Variants in RBFOX1 observed in about 807,000 individuals in gnomAD.
RBFOX1 encodes RNA binding fox-1 homolog 1.
RBFOX1 carries 8 observed loss-of-function variants against 57.7 expected under a neutral mutation model. That is an observed-to-expected ratio of 0.14 (90% CI 0.08 to 0.25). The LOEUF is 0.25. Ranked by LOEUF, RBFOX1 falls within the 10% of genes least tolerant of loss-of-function variation. The probability of loss-of-function intolerance (pLI) is 1.00; values close to 1 mark genes in which losing one functional copy is unlikely to be tolerated. For missense variants in RBFOX1, 611 were observed against 548.5 expected (o/e 1.11, Z -1.14); for synonymous variants, 326 against 222.4 (o/e 1.47, Z -4.15).
rs189834105 is a variant in RBFOX1, at chr16:6,969,986, C to T, written c.-15-82071C>T. Among the ~76,000 whole-genome samples, 405 of 152,008 alleles carry T rather than the reference C, an allele frequency of 2.7e-3. 2 individuals are homozygous for T. The highest frequency in any genetic ancestry group is 9.4e-3 in the African/African-American group (390 of 41,466). On this transcript the variant is annotated intron_variant, in intron 3 of 15. Coordinates refer to ENST00000550418, the MANE Select transcript of RBFOX1 (RefSeq NM_018723.4). ...GTGTTATTTTATGTAATATAAAGTC[C>T]TTACAAGCCTGGGCAGCATAGCAAG...
At chr16:6,800,216 C>T (rs560313617) in intron 3 of RBFOX1, among the ~76,000 whole-genome samples, 1 of 146,026 alleles carries the variant, frequency 6.8e-6, no homozygotes, top group East Asian at 1.9e-4. Flanking sequence ...TTTCCTGCCT[C>T]ATAACCATGT....
chr16:7,229,955 A>G (rs1603401919), intron 4 of RBFOX1, among the ~76,000 whole-genome samples: 9 of 70,524 alleles, frequency 1.3e-4, no homozygotes, highest in Admixed American at 2.5e-4. Flanking sequence ...GAAGGGAGAG[A>G]GAGGGAGGAA....
At chr16:6,342,695 A>C (rs1395173185) in intron 2 of RBFOX1, among the ~76,000 whole-genome samples, 1 of 152,162 alleles carries the variant, frequency 6.6e-6, no homozygotes, top group East Asian at 1.9e-4. Context: ...TATTCCTCTA[A>C]ATGCTTTTTG....
intron 5 of RBFOX1, among the ~76,000 whole-genome samples, chr16:7,551,141 G>A (rs910588907): frequency 5.3e-5 from 8 of 150,040 alleles, no homozygotes; most frequent in Non-Finnish European, 7.4e-5. Context: ...TTCTGCTTTC[G>A]CCACGATAGA....
intron 1 of RBFOX1, among the ~76,000 whole-genome samples, chr16:6,300,813 C>T (rs1311927525): frequency 2.0e-5 from 3 of 152,170 alleles, no homozygotes; most frequent in African/African-American, 7.2e-5. Context: ...AGTCAGGATA[C>T]ATTGCTCTTC....
intron 3 of RBFOX1, among the ~76,000 whole-genome samples, chr16:5,818,825 C>T (rs1036499686): frequency 2.0e-5 from 3 of 152,180 alleles, no homozygotes; most frequent in African/African-American, 7.2e-5. Context: ...ATACCTCATG[C>T]TCAAAGGGGC....
At chr16:7,461,314 T>C (rs1012165612) in intron 4 of RBFOX1, among the ~76,000 whole-genome samples, 1 of 151,948 alleles carries the variant, frequency 6.6e-6, no homozygotes, top group Non-Finnish European at 1.5e-5. Flanking sequence ...ATTACAGATA[T>C]GTGCCACCAC....
chr16:7,042,917 C>G (rs997858984), intron 3 of RBFOX1, among the ~76,000 whole-genome samples: 16 of 152,178 alleles, frequency 1.1e-4, no homozygotes, highest in African/African-American at 3.9e-4. Flanking sequence ...CAGAGGAAGA[C>G]TTTGTTTCAA....
intron 2 of RBFOX1, among the ~76,000 whole-genome samples, chr16:6,582,201 A>C (rs1600551393): frequency 6.6e-6 from 1 of 152,242 alleles, no homozygotes; most frequent in Non-Finnish European, 1.5e-5. Context: ...ATTTCCAAAG[A>C]ATTTTTATCA....
At chr16:6,959,482 G>GGGAGT (rs2082509172) in intron 3 of RBFOX1, among the ~76,000 whole-genome samples, 1 of 152,050 alleles carries the variant, frequency 6.6e-6, no homozygotes, top group Non-Finnish European at 1.5e-5. Flanking sequence ...CTGATCTCAA[G>GGGAGT]GGAGTATCTT....
chr16:7,634,666 T>C (rs1323583429), intron 11 of RBFOX1, among the ~76,000 whole-genome samples: 12 of 152,202 alleles, frequency 7.9e-5, no homozygotes, highest in Admixed American at 7.9e-4. Context: ...TTTGTGTCCA[T>C]ACAACTAATT....
intron 3 of RBFOX1, among the ~76,000 whole-genome samples, chr16:6,980,732 T>G (rs1223970802): frequency 6.6e-6 from 1 of 152,082 alleles, no homozygotes; most frequent in Non-Finnish European, 1.5e-5. Flanking sequence ...GAGGGCAGAT[T>G]ATATGTGGGA....
chr16:7,445,972 A>C (rs753352397), intron 4 of RBFOX1, among the ~76,000 whole-genome samples: 2 of 152,110 alleles, frequency 1.3e-5, no homozygotes, highest in Non-Finnish European at 2.9e-5. Context: ...AAAGAAGCCC[A>C]TTTCAAGAGT....
At position 7,699,821 on chromosome 16, in the gene RBFOX1, C is replaced by G. The variant is rs141032312; in HGVS notation, c.996-9235C>G. 3.9e-5 allele frequency among the ~76,000 whole-genome samples: 6 copies of G among 152,036 alleles called. No homozygotes were observed. In the South Asian group the frequency reaches 8.3e-4, roughly 21 times the overall value. ...TGGCTTTTATTATGTTTCTCTCAATCCCATTTTAGAACCACATTTTTCATT... is the reference window on the plus strand; with the variant it reads ...TGGCTTTTATTATGTTTCTCTCAATGCCATTTTAGAACCACATTTTTCATT... On this transcript the variant is annotated intron_variant, in intron 14 of 15. Coordinates refer to ENST00000550418, the MANE Select transcript of RBFOX1 (RefSeq NM_018723.4).
intron 3 of RBFOX1, among the ~76,000 whole-genome samples, chr16:5,726,903 G>T (rs2052172812): frequency 1.3e-5 from 2 of 152,264 alleles, no homozygotes; most frequent in Admixed American, 6.5e-5. Flanking sequence ...GGCTCAGAAA[G>T]GTTCTGTGAC....
At chr16:7,149,806 C>G (rs578049759) in intron 4 of RBFOX1, among the ~76,000 whole-genome samples, 1 of 152,148 alleles carries the variant, frequency 6.6e-6, no homozygotes, top group South Asian at 2.1e-4. Flanking sequence ...TGTCTAGCCA[C>G]ATTGCTTCCT....
At position 7,580,835 on chromosome 16, in the gene RBFOX1, T is replaced by C. The variant is rs552595039; in HGVS notation, c.414+915T>C. Among the ~76,000 whole-genome samples, 9 of 152,200 alleles carry C rather than the reference T, an allele frequency of 5.9e-5. No individual in the cohort carries two copies. In the South Asian group the frequency reaches 1.2e-3, roughly 21 times the overall value. ...TTTGCCCATGACATCCCAGCAATGA[T>C]AGCAGGTGCCTCTGGATTCAATGAA... is the stretch of plus-strand genomic sequence containing the variant. On this transcript the variant is annotated intron_variant, in intron 6 of 15. Transcript: ENST00000550418.
At chr16:7,315,326 A>G (rs920155083) in intron 4 of RBFOX1, among the ~76,000 whole-genome samples, 5 of 152,154 alleles carry the variant, frequency 3.3e-5, no homozygotes, top group African/African-American at 1.2e-4. Context: ...ATTTTAGGAA[A>G]TGCTCTTGAG....
chr16:5,327,781 C>T (rs957481644), intron 1 of RBFOX1, among the ~76,000 whole-genome samples: 3 of 152,174 alleles, frequency 2.0e-5, no homozygotes, highest in African/African-American at 7.2e-5. Context: ...AAATGAATTA[C>T]ACAAAGATAA....
Sources: allele counts gnomAD v4.1 joint callset (sites outside exome capture counted in the v4.1 genomes callset), GRCh38; gene constraint gnomAD v4.1.1; transcripts MANE v1.5; gene names NCBI Gene and HGNC (gene_info 2026-07-23, HGNC 2026-07-21).